The following MEIKIN variants were observed in gnomAD, a reference collection of about 807,000 sequenced individuals.
MEIKIN encodes meiotic kinetochore factor, also known as meiosis-specific kinetochore protein.
chr5:131,876,917 G>A (rs199616165), intron 9 of MEIKIN, among the ~76,000 whole-genome samples: 1,653 of 123,952 alleles, frequency 0.013, no homozygotes, highest in East Asian at 0.049. Flanking sequence ...AACACCGCAT[G>A]TTCTCACTCA....
intron 8 of MEIKIN, among the ~76,000 whole-genome samples, chr5:131,903,317 C>T (rs1751189346): frequency 6.6e-6 from 1 of 152,054 alleles, no homozygotes; most frequent in Admixed American, 6.6e-5. Flanking sequence ...CAAAATACTA[C>T]ATAAGAAGAC....
intron 5 of MEIKIN, among the ~76,000 whole-genome samples, chr5:131,930,021 T>A (rs985089410): frequency 2.0e-5 from 3 of 152,188 alleles, no homozygotes; most frequent in Admixed American, 2.0e-4. Flanking sequence ...ATAGAATGAT[T>A]CCTTTGGAAA....
intron 11 of MEIKIN, among the ~76,000 whole-genome samples, chr5:131,830,921 A>G (rs1194002264): frequency 2.6e-5 from 4 of 151,818 alleles, no homozygotes; most frequent in South Asian, 2.1e-4. Context: ...TTTTTTAGAC[A>G]GAGTCTCACT....
intron 11 of MEIKIN, among the ~76,000 whole-genome samples, chr5:131,842,778 C>T (rs1024650209): frequency 6.6e-6 from 1 of 152,178 alleles, no homozygotes; most frequent in Non-Finnish European, 1.5e-5. Flanking sequence ...TTACTCCACC[C>T]TTCCACATTT....
At chr5:131,842,671 T>C (rs1428113594) in intron 11 of MEIKIN, among the ~76,000 whole-genome samples, 1 of 152,242 alleles carries the variant, frequency 6.6e-6, no homozygotes, top group Non-Finnish European at 1.5e-5. Flanking sequence ...GATTGTTCTC[T>C]GTGGTTACCA....
Position 131,887,665 on chromosome 5 carries a change from C to A in MEIKIN, c.704-8617G>T, listed in dbSNP as rs190571888. On this transcript the variant is annotated intron_variant, in intron 8 of 12. Coordinates refer to ENST00000442687, the MANE Select transcript of MEIKIN (RefSeq NM_001303622.2). Reference sequence around the variant, plus strand: ...GAGAAGTGTCTGTTCATATCCTTTGCTCATTTTTTGTTGGGTTTTTTTCTT... The same window carrying A: ...GAGAAGTGTCTGTTCATATCCTTTGATCATTTTTTGTTGGGTTTTTTTCTT... Among the ~76,000 whole-genome samples, 672 of 151,414 alleles carry A rather than the reference C, an allele frequency of 4.4e-3. 5 individuals are homozygous for A. Among genetic ancestry groups the A allele is most frequent in the Middle Eastern group, 6.8e-3 (2 of 294 alleles).
intron 7 of MEIKIN, among the ~76,000 whole-genome samples, chr5:131,916,578 T>G (rs1236835657): frequency 6.6e-6 from 1 of 152,240 alleles, no homozygotes; most frequent in Non-Finnish European, 1.5e-5. Context: ...ATTTCCTAAG[T>G]CAGAGGGCTG....
chr5:131,933,597 A>C lies in MEIKIN; in HGVS notation c.394T>G (p.Ser132Ala). ...TATTCTGCATAAGAGTCTGTGACTG[A>C]ATAGCTCAGAAGAGAACTGGCCATA... ...HGMASSLLSY[S>A]VTDSYAEYKS... is the part of the protein sequence containing the mutation. Residue 132 changes from serine (S) to alanine (A), a missense_variant, in exon 5 of 13, where the codon TCA (serine) becomes GCA (alanine). Transcript: ENST00000442687. 2.5e-6 allele frequency: 1 copy of C among 398,902 alleles called. No homozygotes were observed. Among genetic ancestry groups the C allele is most frequent in the Non-Finnish European group, 4.4e-6 (1 of 225,972 alleles). The allele number at this position is 398,902 out of a possible 1,614,324, so 24.7% of individuals were successfully genotyped here.
At chr5:131,825,030 AAAGAAGAAG>A (rs148275513) in intron 11 of MEIKIN, among the ~76,000 whole-genome samples, 1 of 151,484 alleles carries the variant, frequency 6.6e-6, no homozygotes, top group Non-Finnish European at 1.5e-5. Context: ...ACTGAAAAAA[AAAGAAGAAG>A]AAGAAGAAGA....
chr5:131,854,902 C>A, intron 9 of MEIKIN, 68 bp from the exon 10 acceptor site: 1 of 392,776 alleles, frequency 2.5e-6, no homozygotes, highest in Non-Finnish European at 4.5e-6. Flanking sequence ...TATAGTAAAA[C>A]TACAATTTCA....
intron 11 of MEIKIN, among the ~76,000 whole-genome samples, chr5:131,836,741 T>G (rs1302283341): frequency 1.4e-5 from 2 of 141,112 alleles, no homozygotes; most frequent in East Asian, 2.1e-4. Context: ...CTTTTTAATG[T>G]TTTTTTTTTT....
At position 131,944,734 on chromosome 5, in the gene MEIKIN, T is replaced by A. The variant is rs1037080762; in HGVS notation, c.219A>T (p.Thr73=). The A allele has an allele frequency of 1.0e-5, 4 of 398,988 alleles. No homozygotes were observed. The highest frequency in any genetic ancestry group is 8.2e-5 in the African/African-American group (4 of 48,644). The allele number at this position is 398,988 out of a possible 1,614,324, so 24.7% of individuals were successfully genotyped here. ...SGPFSPRLGV[T]GEKSLQENRS... is the part of the protein sequence containing the mutation. ...TATTTTCTTGCAGGCTTTTCTCTCC[T>A]GTAACTCCTAAGCGAGGGCTAACAA... The change falls in exon 3 of 13, where the codon ACA becomes ACT. Residue 73 remains threonine, a synonymous_variant. Coordinates refer to ENST00000442687, the MANE Select transcript of MEIKIN (RefSeq NM_001303622.2).
intron 12 of MEIKIN, 145 bp downstream of exon 12, chr5:131,818,594 GC>G (rs1773143797): frequency 2.9e-6 from 1 of 344,272 alleles, no homozygotes; most frequent in South Asian, 1.5e-4. Context: ...CCCTGACCAG[GC>G]TTTTATAATT....
At chr5:131,877,470 C>G (rs1458741220) in intron 9 of MEIKIN, among the ~76,000 whole-genome samples, 1 of 152,008 alleles carries the variant, frequency 6.6e-6, no homozygotes, top group Non-Finnish European at 1.5e-5. Flanking sequence ...TGTTGAAACC[C>G]TGTCTCTACC....
At chr5:131,890,754 T>G (rs980285559) in intron 8 of MEIKIN, among the ~76,000 whole-genome samples, 4 of 152,136 alleles carry the variant, frequency 2.6e-5, no homozygotes, top group African/African-American at 4.8e-5. Flanking sequence ...CTTGCCTTCT[T>G]CTAGCTTTTG....
At chr5:131,903,689 A>C (rs951252700) in intron 8 of MEIKIN, among the ~76,000 whole-genome samples, 2 of 152,216 alleles carry the variant, frequency 1.3e-5, no homozygotes, top group African/African-American at 4.8e-5. Flanking sequence ...AAACACACTT[A>C]AGTACATAGA....
chr5:131,879,678 C>G (rs1750672561), intron 8 of MEIKIN, among the ~76,000 whole-genome samples: 1 of 152,172 alleles, frequency 6.6e-6, no homozygotes, highest in Admixed American at 6.5e-5. Flanking sequence ...TATTTACTTC[C>G]AAATCCAAAG....
chr5:131,849,048 G>A (rs1483768630), intron 11 of MEIKIN, among the ~76,000 whole-genome samples: 1 of 152,190 alleles, frequency 6.6e-6, no homozygotes, highest in African/African-American at 2.4e-5. Flanking sequence ...AGGAATTGAA[G>A]GAAACTACTT....
At chr5:131,923,474 A>G (rs922113697) in intron 5 of MEIKIN, among the ~76,000 whole-genome samples, 14 of 149,224 alleles carry the variant, frequency 9.4e-5, no homozygotes, top group Non-Finnish European at 1.6e-4. Context: ...TCTATCTTAT[A>G]TTTTTTTCCT....
Sources: allele counts gnomAD v4.1 joint callset (sites outside exome capture counted in the v4.1 genomes callset), GRCh38; gene constraint gnomAD v4.1.1; transcripts MANE v1.5; gene names NCBI Gene and HGNC (gene_info 2026-07-23, HGNC 2026-07-21).